CSMD2: variants seen among roughly 807,000 people sequenced by gnomAD.
CSMD2 encodes CUB and Sushi multiple domains 2.
A neutral mutation model predicts 398.5 loss-of-function variants in CSMD2; 130 were observed. The ratio of observed to expected loss-of-function variants is 0.33; its 90% confidence interval spans 0.28 to 0.38. CSMD2 has a LOEUF of 0.38. CSMD2 is among the 10% of genes least tolerant of loss of function. The pLI is 1.00. For synonymous variants in CSMD2, 1,828 were observed against 1,908.5 expected, an observed-to-expected ratio of 0.96 and a Z score of 1.10; for missense variants, 3,829 against 4,764.9, an observed-to-expected ratio of 0.80 and a Z score of 5.78.
chr1:34,097,029 A>C (rs1367228473), intron 1 of CSMD2, among the ~76,000 whole-genome samples: 1 of 148,612 alleles, frequency 6.7e-6, no homozygotes, highest in Non-Finnish European at 1.5e-5. Flanking sequence ...AGGCTACAGT[A>C]ACCAAAACAG....
chr1:34,059,162 GA>G (rs1327694918), intron 2 of CSMD2, among the ~76,000 whole-genome samples: 1 of 152,176 alleles, frequency 6.6e-6, no homozygotes, highest in Non-Finnish European at 1.5e-5. Context: ...AGTATTTGGT[GA>G]CATTATGACC....
intron 64 of CSMD2, among the ~76,000 whole-genome samples, chr1:33,532,844 G>A (rs1655375386): frequency 6.6e-6 from 1 of 152,250 alleles, no homozygotes; most frequent in African/African-American, 2.4e-5. Flanking sequence ...CCAGGCAAAA[G>A]GGGCAACCCT....
chr1:33,984,835 G>A (rs1247807693), intron 3 of CSMD2, among the ~76,000 whole-genome samples: 1 of 143,326 alleles, frequency 7.0e-6, no homozygotes, highest in Non-Finnish European at 1.5e-5. Flanking sequence ...AAGGAGGGAA[G>A]GAGGAAGGAA....
intron 5 of CSMD2, among the ~76,000 whole-genome samples, chr1:33,904,114 A>G (rs1399280247): frequency 6.6e-6 from 1 of 152,222 alleles, no homozygotes; most frequent in Non-Finnish European, 1.5e-5. Context: ...ATAGTAAGCC[A>G]TTGGGAGGCT....
chr1:34,076,929 ATATATATATAT>A (rs1277738506), intron 2 of CSMD2, among the ~76,000 whole-genome samples: 12 of 47,332 alleles, frequency 2.5e-4, no homozygotes, highest in African/African-American at 1.0e-3. Context: ...AAAAAAAAAA[ATATATATATAT>A]ATATATATAT....
At chr1:34,118,238 C>T (rs1046696117) in intron 1 of CSMD2, among the ~76,000 whole-genome samples, 2 of 151,784 alleles carry the variant, frequency 1.3e-5, no homozygotes, top group African/African-American at 2.4e-5. Context: ...AAGAAACACT[C>T]AACAAACTAG....
In CSMD2 at chr1:34,135,551, G is replaced by T. The variant is rs11809133; in HGVS notation, c.187+29360C>A. On this transcript the variant is annotated intron_variant, in intron 1 of 70. Transcript: ENST00000373381. ...GAGAATCGCTTAAACCCGGGAGGCG[G>T]AGGTTGCCGTGAGCAGAGATCACGC... Among the ~76,000 whole-genome samples, 829 of 150,356 alleles carry T rather than the reference G, an allele frequency of 5.5e-3. 13 individuals are homozygous for T. The highest frequency in any genetic ancestry group is 0.019 in the African/African-American group (788 of 40,720).
At chr1:33,740,536 A>G (rs1647024536) in intron 14 of CSMD2, among the ~76,000 whole-genome samples, 1 of 152,214 alleles carries the variant, frequency 6.6e-6, no homozygotes, top group Non-Finnish European at 1.5e-5. Flanking sequence ...CCCATTGCAG[A>G]TGAGGTAAGG....
chr1:34,153,216 C>T (rs1557438962), intron 1 of CSMD2, among the ~76,000 whole-genome samples: 1 of 152,122 alleles, frequency 6.6e-6, no homozygotes, highest in African/African-American at 2.4e-5. Context: ...AGAGTTACAC[C>T]ATGTTGGCCA....
chr1:33,680,674 C>T (rs1644878436), intron 25 of CSMD2, among the ~76,000 whole-genome samples: 1 of 152,110 alleles, frequency 6.6e-6, no homozygotes, highest in Admixed American at 6.5e-5. Flanking sequence ...CAGAGGCTGC[C>T]TCCTCTCCCC....
intron 3 of CSMD2, among the ~76,000 whole-genome samples, chr1:33,941,351 G>GA (rs1644667379): frequency 6.6e-6 from 1 of 152,142 alleles, no homozygotes; most frequent in Non-Finnish European, 1.5e-5. Context: ...AGTCATTTAT[G>GA]CTCTCTGGAC....
chr1:33,731,755 A>T (rs1276383002), intron 15 of CSMD2, among the ~76,000 whole-genome samples: 1 of 152,238 alleles, frequency 6.6e-6, no homozygotes, highest in Non-Finnish European at 1.5e-5. Flanking sequence ...CAAAGAACGT[A>T]TTAGCCAATC....
intron 14 of CSMD2, among the ~76,000 whole-genome samples, chr1:33,742,982 A>G (rs886167783): frequency 1.3e-5 from 2 of 152,084 alleles, no homozygotes; most frequent in Non-Finnish European, 2.9e-5. Flanking sequence ...GTCTTGTAGG[A>G]TGGGGAAGGT....
chr1:34,162,636 A>C (rs1346321044), intron 1 of CSMD2, among the ~76,000 whole-genome samples: 1 of 152,098 alleles, frequency 6.6e-6, no homozygotes, highest in East Asian at 1.9e-4. Context: ...AGGCAGGCGG[A>C]TCACCTGAAG....
intron 3 of CSMD2, among the ~76,000 whole-genome samples, chr1:33,962,219 G>C (rs1474366899): frequency 6.6e-6 from 1 of 152,086 alleles, no homozygotes; most frequent in East Asian, 1.9e-4. Flanking sequence ...CCCTCCCTCT[G>C]TTCAGGCTTC....
intron 13 of CSMD2, among the ~76,000 whole-genome samples, chr1:33,752,523 A>G (rs1207639902): frequency 1.3e-5 from 2 of 152,210 alleles, no homozygotes; most frequent in Non-Finnish European, 2.9e-5. Context: ...AGCCAAATCA[A>G]ACCTCTTTTC....
At chr1:33,829,095 A>G (rs1408365255) in intron 6 of CSMD2, among the ~76,000 whole-genome samples, 1 of 152,230 alleles carries the variant, frequency 6.6e-6, no homozygotes, top group African/African-American at 2.4e-5. Context: ...GATGCATGCT[A>G]GAATCCACAG....
chr1:33,822,894 T>C (rs560298627), intron 7 of CSMD2, among the ~76,000 whole-genome samples: 1 of 152,320 alleles, frequency 6.6e-6, no homozygotes, highest in East Asian at 1.9e-4. Flanking sequence ...AGATTCTGTC[T>C]AGTCAACCCT....
At chr1:34,108,262 A>G (rs1417339553) in intron 1 of CSMD2, among the ~76,000 whole-genome samples, 1 of 138,472 alleles carries the variant, frequency 7.2e-6, no homozygotes, top group Non-Finnish European at 1.6e-5. Flanking sequence ...AAAAGAAAAC[A>G]AAACCCTAAT....
Sources: allele counts gnomAD v4.1 joint callset (sites outside exome capture counted in the v4.1 genomes callset), GRCh38; gene constraint gnomAD v4.1.1; transcripts MANE v1.5; gene names NCBI Gene and HGNC (gene_info 2026-07-23, HGNC 2026-07-21).